Variants in ENTPD3 observed in about 807,000 individuals in gnomAD.
ENTPD3 encodes CD39 antigen-like 3.
Under a neutral mutation model 51.2 loss-of-function variants are expected in ENTPD3, and 60 were observed. The observed-to-expected ratio is 1.17, with a 90% CI of 0.95 to 1.45. The LOEUF is 1.45. Among genes scored for constraint, ENTPD3 ranks in the 40% most tolerant of loss-of-function variants. ENTPD3 has a pLI of 0.00. For synonymous variants in ENTPD3, 221 were observed against 238.4 expected (o/e 0.93, Z 0.67); for missense variants, 593 against 641.1 (o/e 0.93, Z 0.81).
At chr3:40,417,142 A>G (rs1955765346) in intron 7 of ENTPD3, among the ~76,000 whole-genome samples, 1 of 152,104 alleles carries the variant, frequency 6.6e-6, no homozygotes, top group Non-Finnish European at 1.5e-5. Flanking sequence ...CATGCATGGG[A>G]CATTTATTGT....
chr3:40,414,962 C>T (rs755743394), intron 6 of ENTPD3, 122 bp downstream of exon 6: 87 of 967,576 alleles, frequency 9.0e-5, no homozygotes, highest in Non-Finnish European at 1.2e-4. Flanking sequence ...TACCATGTAA[C>T]GCATTAGGGA....
At chr3:40,408,874 A>C (rs1316666154) in intron 4 of ENTPD3, among the ~76,000 whole-genome samples, 1 of 152,126 alleles carries the variant, frequency 6.6e-6, no homozygotes, top group Non-Finnish European at 1.5e-5. Context: ...TTTATTTAAA[A>C]GTAGAAAAGG....
intron 3 of ENTPD3, 63 bp downstream of exon 3, chr3:40,392,213 T>C: frequency 1.9e-6 from 3 of 1,581,076 alleles, no homozygotes; most frequent in Non-Finnish European, 2.6e-6. Context: ...AAATCAATTA[T>C]TCCAAAACCA....
intron 4 of ENTPD3, among the ~76,000 whole-genome samples, chr3:40,402,309 G>A (rs1955381575): frequency 6.6e-6 from 1 of 151,394 alleles, no homozygotes; most frequent in South Asian, 2.1e-4. Flanking sequence ...AGTATAGATG[G>A]GGTTTCACCA....
chr3:40,392,464 A>C (rs76370655), intron 3 of ENTPD3: 7,770 of 265,716 alleles, frequency 0.029, 569 homozygotes, highest in African/African-American at 0.16. Flanking sequence ...CAGTTCAGCC[A>C]GGTGCGGTGG....
chr3:40,387,963 T>C, intron 1 of ENTPD3, 83 bp from the exon 2 acceptor site: 1 of 1,177,532 alleles, frequency 8.5e-7, no homozygotes, highest in Non-Finnish European at 1.3e-6. Flanking sequence ...TAAAATGGGT[T>C]TTGTCTTAAC....
chr3:40,387,770 A>G (rs552151038), intron 1 of ENTPD3, among the ~76,000 whole-genome samples: 2 of 152,180 alleles, frequency 1.3e-5, no homozygotes, highest in Admixed American at 6.5e-5. Flanking sequence ...TACAGGTGGA[A>G]CAATCTGCAG....
In ENTPD3 at chr3:40,414,718, A is replaced by G; in HGVS notation, c.475A>G (p.Ser159Gly). Residue 159 changes from serine (S) to glycine (G), a missense_variant, in exon 6 of 11, where the codon AGC becomes GGC. By Grantham distance (56) the Ser-to-Gly change is moderately conservative. Coordinates refer to ENST00000301825, the MANE Select transcript of ENTPD3 (RefSeq NM_001248.4). The part of the protein sequence containing the change: ...NETAANEVLE[S>G]IQSYFKSQPF... Reference sequence around the variant, plus strand: ...AACAGCAGCTAATGAAGTCCTTGAAAGCATCCAAAGCTACTTCAAGTCCCA... The same window carrying G: ...AACAGCAGCTAATGAAGTCCTTGAAGGCATCCAAAGCTACTTCAAGTCCCA... The G allele has an allele frequency of 1.9e-6, 3 of 1,614,104 alleles. No homozygotes were observed. The highest frequency in any genetic ancestry group is 1.1e-5 in the South Asian group (1 of 91,070).
At chr3:40,422,340 T>C (rs1459393612) in intron 7 of ENTPD3, among the ~76,000 whole-genome samples, 79 of 150,918 alleles carry the variant, frequency 5.2e-4, no homozygotes, top group Admixed American at 1.2e-3. Context: ...TTTTTTTTTT[T>C]TACTTAGAGA....
chr3:40,421,070 C>G (rs1955862341), intron 7 of ENTPD3, among the ~76,000 whole-genome samples: 1 of 149,510 alleles, frequency 6.7e-6, no homozygotes, highest in African/African-American at 2.5e-5. Context: ...GTCACCCAGG[C>G]TGGAGTGTAA....
chr3:40,395,626 C>A (rs1409215053), intron 3 of ENTPD3, among the ~76,000 whole-genome samples: 1 of 152,184 alleles, frequency 6.6e-6, no homozygotes, highest in Non-Finnish European at 1.5e-5. Flanking sequence ...TATCAAGGGG[C>A]ATACAGGCAT....
chr3:40,403,959 G>T (rs1024410960), intron 4 of ENTPD3, among the ~76,000 whole-genome samples: 1 of 152,124 alleles, frequency 6.6e-6, no homozygotes, highest in African/African-American at 2.4e-5. Flanking sequence ...GATATTTTCT[G>T]AGTATTGCTT....
intron 4 of ENTPD3, among the ~76,000 whole-genome samples, chr3:40,403,632 G>A (rs567844087): frequency 7.3e-5 from 11 of 151,270 alleles, no homozygotes; most frequent in African/African-American, 2.4e-4. Flanking sequence ...ACCACATAAG[G>A]GACTTGGATA....
chr3:40,394,635 G>A (rs1185838457), intron 3 of ENTPD3, among the ~76,000 whole-genome samples: 1 of 152,118 alleles, frequency 6.6e-6, no homozygotes, highest in Non-Finnish European at 1.5e-5. Context: ...CCAAGGCCAG[G>A]GCTCTCTTCA....
chr3:40,422,758 TATTGGAC>T (rs1955904478), intron 7 of ENTPD3, 85 bp from the exon 8 acceptor site: 1 of 1,105,350 alleles, frequency 9.0e-7, no homozygotes, highest in Admixed American at 2.3e-5. Flanking sequence ...AGTCTATCAC[TATTGGAC>T]ATTTGGGTTG....
At chr3:40,407,376 C>T (rs1955528642) in intron 4 of ENTPD3, among the ~76,000 whole-genome samples, 2 of 151,992 alleles carry the variant, frequency 1.3e-5, no homozygotes, top group Admixed American at 1.3e-4. Context: ...TGGACACTGA[C>T]ATTTTAATTT....
chr3:40,412,177 C>G (rs1003174360), intron 5 of ENTPD3, among the ~76,000 whole-genome samples: 6 of 152,124 alleles, frequency 3.9e-5, no homozygotes, highest in Non-Finnish European at 7.4e-5. Context: ...TTCCCTCTCC[C>G]TTGGTGATTT....
chr3:40,418,892 G>A (rs4973999), intron 7 of ENTPD3, among the ~76,000 whole-genome samples: 67,685 of 151,746 alleles, frequency 0.45, 17,088 homozygotes, highest in African/African-American at 0.69. Flanking sequence ...TATTCCAAGT[G>A]CCATAACTTA....
intron 3 of ENTPD3, among the ~76,000 whole-genome samples, chr3:40,397,537 C>T (rs1955236144): frequency 6.6e-6 from 1 of 152,060 alleles, no homozygotes; most frequent in Non-Finnish European, 1.5e-5. Context: ...ATGTCTTATA[C>T]AGGCAATAAC....
Sources: allele counts gnomAD v4.1 joint callset (sites outside exome capture counted in the v4.1 genomes callset), GRCh38; gene constraint gnomAD v4.1.1; transcripts MANE v1.5; gene names NCBI Gene and HGNC (gene_info 2026-07-23, HGNC 2026-07-21).